AGBL1: variants seen among roughly 807,000 people sequenced by gnomAD.
AGBL1 encodes cytosolic carboxypeptidase 4.
Under a neutral mutation model 118.9 loss-of-function variants are expected in AGBL1, and 130 were observed. The observed-to-expected ratio is 1.09, with a 90% CI of 0.95 to 1.26. The LOEUF is 1.26. Among genes scored for constraint, AGBL1 ranks in the 50% most tolerant of loss-of-function variants. AGBL1 has a pLI of 0.00. For synonymous variants in AGBL1, 555 were observed against 478.9 expected (o/e 1.16, Z -2.08); for missense variants, 1,584 against 1,298.1 (o/e 1.22, Z -3.38).
chr15:86,412,252 A>G (rs34011800), intron 18 of AGBL1, among the ~76,000 whole-genome samples: 7 of 152,222 alleles, frequency 4.6e-5, no homozygotes, highest in African/African-American at 9.6e-5. Context: ...TGTAGAATAC[A>G]CTGGTGCTGA....
intron 18 of AGBL1, among the ~76,000 whole-genome samples, chr15:86,441,006 T>G (rs113847065): frequency 2.6e-5 from 4 of 152,102 alleles, no homozygotes; most frequent in Non-Finnish European, 5.9e-5. Context: ...TCAGGACAGA[T>G]GGAGTAAAGA....
chr15:86,410,834 ATATAT>A lies in AGBL1; in HGVS notation c.2555+13289_2555+13293del, dbSNP rs1567242820. The stretch of plus-strand genomic sequence containing the variant: ...TATATATATATATATATATATATAT[ATATAT>A]ATAATATACTATTTTATATATAAAA... On this transcript the variant is annotated intron_variant, in intron 18 of 22. Transcript: ENST00000614907. Among the ~76,000 whole-genome samples the A allele has an allele frequency of 2.3e-4, 24 of 106,124 alleles. 1 individual carries two copies. Among genetic ancestry groups the A allele is most frequent in the African/African-American group, 7.9e-4 (19 of 23,956 alleles). The allele number at this position is 106,124 out of a possible 152,430, so 69.6% of individuals were successfully genotyped here. A position where few individuals can be genotyped will look rare whatever the true frequency, so the allele number is the denominator to read the frequency against.
At chr15:86,792,004 G>C (rs1470646748) in intron 22 of AGBL1, among the ~76,000 whole-genome samples, 1 of 152,088 alleles carries the variant, frequency 6.6e-6, no homozygotes, top group Non-Finnish European at 1.5e-5. Flanking sequence ...CTAATGCTCT[G>C]GGATTACAGG....
At chr15:86,411,477 A>G (rs1281828007) in intron 18 of AGBL1, among the ~76,000 whole-genome samples, 1 of 152,098 alleles carries the variant, frequency 6.6e-6, no homozygotes, top group African/African-American at 2.4e-5. Flanking sequence ...ATATACTTTG[A>G]TAATGCAGAT....
intron 21 of AGBL1, among the ~76,000 whole-genome samples, chr15:86,557,916 A>G (rs987282458): frequency 1.3e-5 from 2 of 152,186 alleles, no homozygotes; most frequent in African/African-American, 4.8e-5. Flanking sequence ...ATTGTGGTCC[A>G]AATGTGATCA....
rs192248017 is a variant in AGBL1, at chr15:86,342,347, A to G, written c.2374+46939A>G. Among the ~76,000 whole-genome samples the G allele has an allele frequency of 1.5e-3, 221 of 152,314 alleles. 1 individual carries two copies. The highest frequency in any genetic ancestry group is 5.1e-3 in the African/African-American group (214 of 41,566). On this transcript the variant is annotated intron_variant, in intron 17 of 22. Coordinates refer to ENST00000614907, the MANE Select transcript of AGBL1 (RefSeq NM_001386094.1). ...AAATATTGTACACTGTGTGAGACCC[A>G]AGGCTATATTTCCTACTTCTTTCTT...
intron 18 of AGBL1, among the ~76,000 whole-genome samples, chr15:86,429,136 T>C (rs973073399): frequency 1.3e-5 from 2 of 152,252 alleles, no homozygotes; most frequent in African/African-American, 4.8e-5. Context: ...CACCAGGTCA[T>C]GAGGACCTTA....
At chr15:86,563,554 T>C in intron 21 of AGBL1, among the ~76,000 whole-genome samples, 1 of 148,782 alleles carries the variant, frequency 6.7e-6, no homozygotes. Context: ...AGAAGTGCTT[T>C]ACTTCCAACT....
At chr15:86,534,856 G>T (rs1008372158) in intron 19 of AGBL1, among the ~76,000 whole-genome samples, 2 of 152,112 alleles carry the variant, frequency 1.3e-5, no homozygotes, top group African/African-American at 4.8e-5. Context: ...AATTTATGGG[G>T]ACATAAATTG....
At chr15:86,592,359 G>A (rs955500180) in intron 21 of AGBL1, among the ~76,000 whole-genome samples, 1 of 152,244 alleles carries the variant, frequency 6.6e-6, no homozygotes, top group African/African-American at 2.4e-5. Context: ...AAGTTTTAGA[G>A]CAGGAGTGAA....
intron 21 of AGBL1, among the ~76,000 whole-genome samples, chr15:86,585,540 A>G (rs1173998460): frequency 6.6e-6 from 1 of 151,812 alleles, no homozygotes; most frequent in African/African-American, 2.4e-5. Context: ...TTTTACTTCT[A>G]TTTTTTTATA....
At chr15:86,748,055 C>G (rs536759990) in intron 22 of AGBL1, among the ~76,000 whole-genome samples, 51 of 152,322 alleles carry the variant, frequency 3.3e-4, no homozygotes, top group Admixed American at 2.6e-4. Flanking sequence ...AATCGCCACA[C>G]TGTCTTCCAT....
intron 1 of AGBL1, among the ~76,000 whole-genome samples, chr15:86,132,685 C>T (rs952144111): frequency 6.6e-6 from 1 of 152,154 alleles, no homozygotes. Context: ...TGATTGCTAG[C>T]ATTATTATGA....
chr15:86,209,646 T>C (rs1416823358), intron 5 of AGBL1, among the ~76,000 whole-genome samples: 1 of 152,166 alleles, frequency 6.6e-6, no homozygotes, highest in Non-Finnish European at 1.5e-5. Flanking sequence ...CCCTGCTTTT[T>C]TTTTGCTTTC....
chr15:87,007,808 C>G (rs1280890813), intron 24 of AGBL1, among the ~76,000 whole-genome samples: 5 of 152,186 alleles, frequency 3.3e-5, no homozygotes, highest in Admixed American at 6.5e-5. Context: ...TCAGATTTCT[C>G]ATCTTAAAGC....
intron 1 of AGBL1, among the ~76,000 whole-genome samples, chr15:86,141,059 T>C (rs1031906087): frequency 6.6e-6 from 1 of 152,198 alleles, no homozygotes; most frequent in African/African-American, 2.4e-5. Context: ...CCAAATATCT[T>C]ACAGTGCAAA....
chr15:86,624,519 A>G (rs1371088139), intron 21 of AGBL1, among the ~76,000 whole-genome samples: 1 of 152,108 alleles, frequency 6.6e-6, no homozygotes, highest in Non-Finnish European at 1.5e-5. Flanking sequence ...TCACTTTTTC[A>G]GTTCTTCATA....
At chr15:86,119,475 A>C (rs1490707242) in intron 1 of AGBL1, among the ~76,000 whole-genome samples, 3 of 152,096 alleles carry the variant, frequency 2.0e-5, no homozygotes, top group African/African-American at 4.8e-5. Context: ...CAGTCAAGGC[A>C]CCTGAAGAGA....
In AGBL1 at chr15:86,219,415, T is replaced by C. The variant is rs145545771; in HGVS notation, c.489-5499T>C. On this transcript the variant is annotated intron_variant, in intron 5 of 22. Coordinates refer to ENST00000614907, the MANE Select transcript of AGBL1 (RefSeq NM_001386094.1). ...ACGTAATTTAATTTAAATTTTACTT[T>C]ATCTCACTCTTCACACCATCCCATC... is the stretch of plus-strand genomic sequence containing the variant. 3.0e-4 allele frequency among the ~76,000 whole-genome samples: 45 copies of C among 152,334 alleles called. 2 individuals carry two copies. In the East Asian group the frequency reaches 6.2e-3, roughly 21 times the overall value.
Sources: gnomAD v4.1 joint callset for allele counts (sites outside exome capture counted in the v4.1 genomes callset) on GRCh38, gnomAD v4.1.1 for gene constraint, MANE v1.5 for transcripts, NCBI Gene and HGNC (gene_info 2026-07-23, HGNC 2026-07-21) for gene names.